PRKCH: variants seen among roughly 807,000 people sequenced by gnomAD.
The protein encoded by PRKCH is protein kinase C eta type.
Under a neutral mutation model 82.5 loss-of-function variants are expected in PRKCH, and 28 were observed. That is an observed-to-expected ratio of 0.34 (90% CI 0.25 to 0.47). The LOEUF is 0.47. Ranked by LOEUF, PRKCH falls within the 20% of genes least tolerant of loss-of-function variation. The pLI is 1.00. For synonymous variants in PRKCH, 322 were observed against 327.4 expected, an observed-to-expected ratio of 0.98 and a Z score of 0.18; for missense variants, 705 against 881.8, an observed-to-expected ratio of 0.80 and a Z score of 2.54.
intron 1 of PRKCH, among the ~76,000 whole-genome samples, chr14:61,388,503 G>C (rs1461298530): frequency 6.6e-6 from 1 of 152,218 alleles, no homozygotes; most frequent in Non-Finnish European, 1.5e-5. Context: ...TTTACGGGCT[G>C]GCTGTGGGCT....
chr14:61,262,482 A>C (rs2045058092), intron 1 of PRKCH, among the ~76,000 whole-genome samples: 1 of 152,214 alleles, frequency 6.6e-6, no homozygotes. Context: ...CAAATGGGCA[A>C]AATTAATCTA....
chr14:61,304,505 C>G (rs752382265), intron 1 of PRKCH: 1 of 152,004 alleles, frequency 6.6e-6, no homozygotes, highest in Admixed American at 6.6e-5. Flanking sequence ...CAGAAAATGT[C>G]TTTTTTGTTT....
chr14:61,343,351 CAAAAAAA>C (rs57154047), intron 1 of PRKCH, among the ~76,000 whole-genome samples: 8 of 87,348 alleles, frequency 9.2e-5, no homozygotes, highest in South Asian at 4.2e-4. Flanking sequence ...CCAGTTCCCT[CAAAAAAA>C]AAAAAAAAAA....
chr14:61,189,905 T>C (rs545790505), intron 1 of PRKCH, among the ~76,000 whole-genome samples: 94 of 152,304 alleles, frequency 6.2e-4, no homozygotes, highest in Non-Finnish European at 1.1e-3. Flanking sequence ...CTACCAGTTT[T>C]CTACCTGATA....
intron 1 of PRKCH, among the ~76,000 whole-genome samples, chr14:61,350,464 T>C (rs1268595982): frequency 1.3e-5 from 2 of 152,216 alleles, no homozygotes; most frequent in African/African-American, 4.8e-5. Context: ...GGTCAGTGTT[T>C]ACACCTTGTC....
At chr14:61,303,678 T>C (rs1366708072) in intron 1 of PRKCH, 2 of 152,088 alleles carry the variant, frequency 1.3e-5, no homozygotes, top group African/African-American at 2.4e-5. Flanking sequence ...TTATATTTAA[T>C]ATAATTATTG....
chr14:61,468,812 T>C (rs1333124916), intron 9 of PRKCH, among the ~76,000 whole-genome samples: 1 of 152,220 alleles, frequency 6.6e-6, no homozygotes, highest in Non-Finnish European at 1.5e-5. Flanking sequence ...ATCTTTGATG[T>C]AACCAGAACA....
chr14:61,279,148 G>A (rs1594887631), intron 1 of PRKCH: 1 of 152,018 alleles, frequency 6.6e-6, no homozygotes, highest in Non-Finnish European at 1.5e-5. Flanking sequence ...TCACATTTTC[G>A]AGTTTCTACA....
intron 1 of PRKCH, among the ~76,000 whole-genome samples, chr14:61,270,265 C>T (rs543955519): frequency 6.6e-6 from 1 of 151,930 alleles, no homozygotes; most frequent in African/African-American, 2.4e-5. Flanking sequence ...GCCAGGGGTT[C>T]GAGACCAGCT....
At chr14:61,243,664 CAGAG>C (rs2044859170) in intron 1 of PRKCH, among the ~76,000 whole-genome samples, 3 of 152,064 alleles carry the variant, frequency 2.0e-5, no homozygotes, top group Non-Finnish European at 4.4e-5. Context: ...AATATAGTAA[CAGAG>C]AGCTATGTCC....
chr14:61,499,065 G>A (rs1254497592), intron 10 of PRKCH, among the ~76,000 whole-genome samples: 1 of 152,096 alleles, frequency 6.6e-6, no homozygotes, highest in Non-Finnish European at 1.5e-5. Context: ...TCATGCGTTT[G>A]GCTCATTAAG....
At chr14:61,288,231 A>G (rs2045331759) in intron 1 of PRKCH, among the ~76,000 whole-genome samples, 3 of 151,880 alleles carry the variant, frequency 2.0e-5, no homozygotes, top group Non-Finnish European at 4.4e-5. Context: ...CTTCCCCCAG[A>G]ACCACCGGAA....
At position 61,483,217 on chromosome 14, in the gene PRKCH, C is replaced by T. The variant is rs552029336; in HGVS notation, c.1279-2285C>T. On this transcript the variant is annotated intron_variant, in intron 9 of 13. Transcript: ENST00000332981. ...CAGATGCAGCTTTTTGGGATGTTTCCGGTGTGTGTATATCCTCCGCCCAAC... is the reference window on the plus strand; with the variant it reads ...CAGATGCAGCTTTTTGGGATGTTTCTGGTGTGTGTATATCCTCCGCCCAAC... Among the ~76,000 whole-genome samples the T allele has an allele frequency of 5.3e-5, 8 of 152,328 alleles. No individual in the cohort carries two copies. The East Asian group carries it at 1.3e-3, about 26-fold the overall frequency.
At chr14:61,401,092 T>C (rs1457600417) in intron 2 of PRKCH, among the ~76,000 whole-genome samples, 1 of 152,198 alleles carries the variant, frequency 6.6e-6, no homozygotes, top group African/African-American at 2.4e-5. Context: ...AGGCTTCCCT[T>C]GAGTTCCTCC....
intron 12 of PRKCH, chr14:61,543,566 G>C (rs1330270142): frequency 6.6e-6 from 1 of 152,170 alleles, no homozygotes; most frequent in Non-Finnish European, 1.5e-5. Flanking sequence ...TAGTAAATGT[G>C]TGCAGAATAT....
chr14:61,272,410 G>T (rs115181421), intron 1 of PRKCH, among the ~76,000 whole-genome samples: 3,858 of 136,254 alleles, frequency 0.028, 100 homozygotes, highest in East Asian at 0.075. Flanking sequence ...CTAGCATGCA[G>T]TGGCACGGTC....
At chr14:61,484,149 G>A (rs568191440) in intron 9 of PRKCH, among the ~76,000 whole-genome samples, 14 of 152,188 alleles carry the variant, frequency 9.2e-5, no homozygotes, top group African/African-American at 3.1e-4. Flanking sequence ...GTCCCAAGTC[G>A]ATGGCACTCA....
chr14:61,484,629 C>A (rs1332074698), intron 9 of PRKCH, among the ~76,000 whole-genome samples: 1 of 152,062 alleles, frequency 6.6e-6, no homozygotes, highest in Admixed American at 6.6e-5. Flanking sequence ...TCCACTTTTA[C>A]CTGCTAGGTT....
chr14:61,188,704 AGT>A (rs754540967), intron 1 of PRKCH, among the ~76,000 whole-genome samples: 1,102 of 87,074 alleles, frequency 0.013, 60 homozygotes, highest in African/African-American at 0.044. Context: ...ACGTTGCTGT[AGT>A]GTGTGTGTGT....
Sources: gnomAD v4.1 joint callset for allele counts (sites outside exome capture counted in the v4.1 genomes callset) on GRCh38, gnomAD v4.1.1 for gene constraint, MANE v1.5 for transcripts, NCBI Gene and HGNC (gene_info 2026-07-23, HGNC 2026-07-21) for gene names.